The following TAOK3 variants were observed in gnomAD, a reference collection of about 807,000 sequenced individuals.
The protein encoded by TAOK3 is serine/threonine-protein kinase TAO3.
TAOK3 carries 40 observed loss-of-function variants against 120.4 expected under a neutral mutation model. The observed-to-expected ratio is 0.33, with a 90% CI of 0.26 to 0.43. The LOEUF (loss-of-function observed/expected upper bound fraction) is 0.43, where lower values mean the gene tolerates loss of function less well. Among genes scored for constraint, TAOK3 ranks in the 20% least tolerant of loss-of-function variants. The probability of loss-of-function intolerance (pLI) is 1.00; values close to 1 mark genes in which losing one functional copy is unlikely to be tolerated. For synonymous variants in TAOK3, 355 were observed against 387.5 expected (o/e 0.92, Z 0.99); for missense variants, 821 against 1,112.1 (o/e 0.74, Z 3.72).
At chr12:118,368,289 C>T (rs1223473095) in intron 1 of TAOK3, among the ~76,000 whole-genome samples, 1 of 152,000 alleles carries the variant, frequency 6.6e-6, no homozygotes, top group African/African-American at 2.4e-5. Context: ...CTCCGCCTCC[C>T]GGATTCGAGC....
intron 14 of TAOK3, among the ~76,000 whole-genome samples, chr12:118,186,389 C>T (rs1250766355): frequency 6.6e-6 from 1 of 152,156 alleles, no homozygotes; most frequent in Non-Finnish European, 1.5e-5. Context: ...ATTAATATCT[C>T]TATCACAGAA....
chr12:118,300,067 T>C (rs553420714), intron 1 of TAOK3, among the ~76,000 whole-genome samples: 1 of 152,308 alleles, frequency 6.6e-6, no homozygotes, highest in South Asian at 2.1e-4. Flanking sequence ...AGGGTACCAA[T>C]TGCTTCTGTG....
At chr12:118,359,222 C>T (rs529494742) in intron 1 of TAOK3, 12 of 152,258 alleles carry the variant, frequency 7.9e-5, no homozygotes, top group Middle Eastern at 3.4e-3. Context: ...CTTTGCATTT[C>T]GACATTTTAG....
chr12:118,235,369 T>G (rs2039978307), intron 8 of TAOK3, among the ~76,000 whole-genome samples, 189 bp downstream of exon 8: 1 of 152,208 alleles, frequency 6.6e-6, no homozygotes, highest in African/African-American at 2.4e-5. Flanking sequence ...CAATTTAAAG[T>G]CATTGTAAAT....
At chr12:118,199,546 G>T (rs2037918543) in intron 12 of TAOK3, 1 of 418,388 alleles carries the variant, frequency 2.4e-6, no homozygotes. Context: ...TTATCGTGTT[G>T]CTATTCAGTA....
intron 17 of TAOK3, among the ~76,000 whole-genome samples, chr12:118,170,999 C>T (rs1008453830): frequency 3.3e-5 from 5 of 152,210 alleles, no homozygotes; most frequent in African/African-American, 9.6e-5. Flanking sequence ...GACTTTGATA[C>T]TGTTACCACT....
At chr12:118,227,041 A>C (rs1160816909) in intron 9 of TAOK3, among the ~76,000 whole-genome samples, 1 of 152,020 alleles carries the variant, frequency 6.6e-6, no homozygotes, top group Non-Finnish European at 1.5e-5. Flanking sequence ...AATCCATGTC[A>C]AATTTCGGAA....
chr12:118,234,212 A>ATTTTTTTTTTTTTTTTTTTTTTTTT lies in TAOK3; in HGVS notation c.552-472_552-448dup, dbSNP rs763473530. Among the ~76,000 whole-genome samples, 58 of 58,340 alleles carry ATTTTTTTTTTTTTTTTTTTTTTTTT rather than the reference A, an allele frequency of 9.9e-4. 11 individuals carry two copies. The highest frequency in any genetic ancestry group is 1.3e-3 in the Non-Finnish European group (42 of 32,398). 38.3% of individuals were successfully genotyped at this position (58,340 alleles called of 152,430 possible). ...TTAAAGTAATTAAATAAAGCAGGAA[A>ATTTTTTTTTTTTTTTTTTTTTTTTT]TTTTTTTTTTTTTTTTTTTTTTTTT... On this transcript the variant is annotated intron_variant, in intron 8 of 20. Transcript: ENST00000392533.
intron 17 of TAOK3, among the ~76,000 whole-genome samples, chr12:118,167,792 G>T (rs986331834): frequency 1.3e-5 from 2 of 151,336 alleles, no homozygotes; most frequent in East Asian, 3.9e-4. Flanking sequence ...TTTTAATCTC[G>T]AACAGAAACG....
rs577993506 is a variant in TAOK3 at position 118,160,079 on chromosome 12, G to A, written c.2352+67C>T. 3.1e-6 allele frequency: 4 copies of A among 1,281,312 alleles called. No individual in the cohort carries two copies. The highest frequency in any genetic ancestry group is 1.9e-4 in the Middle Eastern group (1 of 5,400). The allele number at this position is 1,281,312 out of a possible 1,614,324, so 79.4% of individuals were successfully genotyped here. On this transcript the variant is annotated intron_variant, in intron 19 of 20. Coordinates refer to ENST00000392533, the MANE Select transcript of TAOK3 (RefSeq NM_016281.4). The surrounding 1 kb of genome is among the most constrained non-coding windows in gnomAD (Gnocchi z 4.2). ...TGCAAGAATCATCTTGGGAACAACAGGCTGGATCTTGGATTTTCTTGATTC... is the reference window on the plus strand; with the variant it reads ...TGCAAGAATCATCTTGGGAACAACAAGCTGGATCTTGGATTTTCTTGATTC...
chr12:118,363,749 T>A (rs1256693319), intron 1 of TAOK3, among the ~76,000 whole-genome samples: 1 of 151,154 alleles, frequency 6.6e-6, no homozygotes, highest in Non-Finnish European at 1.5e-5. Flanking sequence ...TGTGTGTGTG[T>A]GTGTGTGAGA....
chr12:118,263,713 T>C (rs1456287651), intron 2 of TAOK3, among the ~76,000 whole-genome samples: 2 of 152,232 alleles, frequency 1.3e-5, no homozygotes, highest in South Asian at 2.1e-4. Context: ...CCAAGTGAGA[T>C]GGATGAATGG....
intron 11 of TAOK3, among the ~76,000 whole-genome samples, chr12:118,207,809 G>A (rs111491512): frequency 0.1 from 15,277 of 151,484 alleles, 978 homozygotes; most frequent in Middle Eastern, 0.15. Flanking sequence ...GCAGTGAGAC[G>A]AGATCGCGCC....
chr12:118,363,251 C>A (rs1045757975), intron 1 of TAOK3, among the ~76,000 whole-genome samples: 1 of 152,050 alleles, frequency 6.6e-6, no homozygotes, highest in Non-Finnish European at 1.5e-5. Flanking sequence ...CAAGTGAATT[C>A]TTCTCTTAGG....
At chr12:118,156,780 G>A (rs1046628682) in intron 19 of TAOK3, among the ~76,000 whole-genome samples, 33 of 151,790 alleles carry the variant, frequency 2.2e-4, no homozygotes, top group Admixed American at 1.2e-3. Context: ...TGTCACCCAG[G>A]CTGGAGTGCA....
intron 1 of TAOK3, among the ~76,000 whole-genome samples, chr12:118,353,560 T>C (rs1456527639): frequency 2.6e-5 from 4 of 151,190 alleles, no homozygotes; most frequent in African/African-American, 4.9e-5. Context: ...GAAAAGGGAG[T>C]GACATGCTAG....
intron 1 of TAOK3, among the ~76,000 whole-genome samples, chr12:118,363,784 G>C (rs1350715763): frequency 6.6e-6 from 1 of 151,730 alleles, no homozygotes; most frequent in Non-Finnish European, 1.5e-5. Context: ...GAGACAGACA[G>C]ACAGACACAC....
intron 2 of TAOK3, among the ~76,000 whole-genome samples, chr12:118,258,778 G>C (rs1055230712): frequency 2.0e-5 from 3 of 150,762 alleles, no homozygotes; most frequent in Non-Finnish European, 4.4e-5. Context: ...AACAAAAAAA[G>C]AATCAATGGA....
intron 1 of TAOK3, among the ~76,000 whole-genome samples, chr12:118,300,565 T>C (rs1299030446): frequency 2.0e-5 from 3 of 152,028 alleles, no homozygotes; most frequent in Non-Finnish European, 2.9e-5. Flanking sequence ...AATCTCACTA[T>C]AGCGCACACA....
Sources: gnomAD v4.1 joint callset for allele counts (sites outside exome capture counted in the v4.1 genomes callset) on GRCh38, gnomAD v4.1.1 for gene constraint, Gnocchi (gnomAD v3.1) non-coding constraint, MANE v1.5 for transcripts, NCBI Gene and HGNC (gene_info 2026-07-23, HGNC 2026-07-21) for gene names.